The following EPHA6 variants were observed in gnomAD, a reference collection of about 807,000 sequenced individuals.
EPHA6 encodes the protein EPH receptor A6.
In EPHA6, 50 loss-of-function variants were observed where a neutral mutation model predicts 112.0. The observed-to-expected ratio is 0.45, with a 90% confidence interval of 0.36 to 0.56. The LOEUF is 0.56. Ranked by LOEUF, EPHA6 falls within the 20% of genes least tolerant of loss-of-function variation. The pLI is 0.00. For synonymous variants in EPHA6, 529 were observed against 490.7 expected (o/e 1.08, Z -1.03); for missense variants, 1,280 against 1,417.4 (o/e 0.90, Z 1.56).
In EPHA6 at chr3:97,371,699, G is replaced by A. The variant is rs113033645; in HGVS notation, c.1607-33451G>A. Among the ~76,000 whole-genome samples the A allele has an allele frequency of 3.6e-3, 544 of 152,220 alleles. 3 individuals carry two copies. Among genetic ancestry groups the A allele is most frequent in the African/African-American group, 0.011 (456 of 41,546 alleles). ...AAGTCTGGCTGCCTGTGGGCCAGGC[G>A]GAACAGAGCCATATTTCTCTCCTTT... On this transcript the variant is annotated intron_variant, in intron 5 of 17. Coordinates refer to ENST00000389672, the MANE Select transcript of EPHA6 (RefSeq NM_001080448.3).
chr3:97,158,808 G>C (rs1005118345), intron 3 of EPHA6, among the ~76,000 whole-genome samples: 1 of 152,112 alleles, frequency 6.6e-6, no homozygotes, highest in African/African-American at 2.4e-5. Context: ...TGTATGGTGG[G>C]CTGGAGGTGA....
chr3:97,314,330 T>C (rs538044997), intron 5 of EPHA6, among the ~76,000 whole-genome samples: 20 of 151,808 alleles, frequency 1.3e-4, no homozygotes, highest in African/African-American at 4.6e-4. Context: ...TGCTTAGGAT[T>C]GCTTTGGCTA....
intron 10 of EPHA6, among the ~76,000 whole-genome samples, chr3:97,525,684 C>A (rs2092608486): frequency 6.6e-6 from 1 of 152,094 alleles, no homozygotes; most frequent in African/African-American, 2.4e-5. Flanking sequence ...ATGAGATTAC[C>A]TCTGGGCTCA....
intron 4 of EPHA6, 52 bp downstream of exon 4, chr3:97,226,471 T>C: frequency 6.7e-7 from 1 of 1,485,294 alleles, no homozygotes; most frequent in Non-Finnish European, 9.1e-7. Context: ...CCTTTTGGTC[T>C]TTTCATTCTA....
chr3:97,437,627 C>T (rs958020801), intron 6 of EPHA6, among the ~76,000 whole-genome samples: 1 of 152,024 alleles, frequency 6.6e-6, no homozygotes, highest in Admixed American at 6.6e-5. Flanking sequence ...GTAAACTCTT[C>T]TAAGAATGCA....
chr3:97,223,063 G>A (rs909084444), intron 3 of EPHA6, among the ~76,000 whole-genome samples: 1 of 152,308 alleles, frequency 6.6e-6, no homozygotes, highest in Admixed American at 6.5e-5. Flanking sequence ...AAGCCTTAAA[G>A]CAGGAGAAAG....
intron 3 of EPHA6, among the ~76,000 whole-genome samples, chr3:97,118,412 A>C (rs1480197290): frequency 6.6e-6 from 1 of 151,908 alleles, no homozygotes; most frequent in Non-Finnish European, 1.5e-5. Context: ...CAGCTGTCTA[A>C]TGTGTACAGT....
chr3:97,220,660 G>A (rs2078168049), intron 3 of EPHA6, among the ~76,000 whole-genome samples: 1 of 152,164 alleles, frequency 6.6e-6, no homozygotes, highest in Middle Eastern at 3.4e-3. Context: ...GACAGCATGG[G>A]GGAAACCACC....
chr3:96,829,949 G>GCACA (rs67227502), intron 1 of EPHA6, among the ~76,000 whole-genome samples: 26,594 of 135,712 alleles, frequency 0.2, 2,728 homozygotes, highest in Non-Finnish European at 0.24. Context: ...GCGCGCGCGC[G>GCACA]CACACACACA....
chr3:97,025,372 C>G (rs1268881923), intron 3 of EPHA6, among the ~76,000 whole-genome samples: 2 of 151,936 alleles, frequency 1.3e-5, no homozygotes, highest in Non-Finnish European at 2.9e-5. Context: ...GATATTAGTA[C>G]TTTGGGTAGA....
chr3:97,139,221 C>A (rs1461170069), intron 3 of EPHA6, among the ~76,000 whole-genome samples: 1 of 152,154 alleles, frequency 6.6e-6, no homozygotes, highest in African/African-American at 2.4e-5. Flanking sequence ...CCCAGAAATT[C>A]TCTTGATTAA....
chr3:96,884,981 T>C (rs2037540001), intron 2 of EPHA6, among the ~76,000 whole-genome samples: 2 of 152,224 alleles, frequency 1.3e-5, no homozygotes, highest in Non-Finnish European at 2.9e-5. Context: ...ATTGAAATGA[T>C]CATGCGATTT....
chr3:97,545,870 A>C (rs1196940854), intron 11 of EPHA6, among the ~76,000 whole-genome samples: 1 of 152,104 alleles, frequency 6.6e-6, no homozygotes, highest in African/African-American at 2.4e-5. Context: ...CTGTTTTATC[A>C]GAGACTAGGA....
intron 5 of EPHA6, among the ~76,000 whole-genome samples, chr3:97,370,238 C>T (rs542975999): frequency 6.6e-6 from 1 of 152,232 alleles, no homozygotes; most frequent in South Asian, 2.1e-4. Context: ...AACTCATTTT[C>T]CTGAAAATTA....
chr3:97,593,915 TTA>T (rs1576003086), intron 12 of EPHA6, among the ~76,000 whole-genome samples: 1 of 152,188 alleles, frequency 6.6e-6, no homozygotes, highest in Non-Finnish European at 1.5e-5. Flanking sequence ...TTATTGGGTG[TTA>T]TATAGCCCTT....
Position 97,753,286 on chromosome 3 carries a change from C to T in EPHA6, c.*4585C>T, listed in dbSNP as rs975501270. Among the ~76,000 whole-genome samples, 1 of 152,064 alleles carries T rather than the reference C, an allele frequency of 6.6e-6. No individual in the cohort carries two copies. Among genetic ancestry groups the T allele is most frequent in the African/African-American group, 2.4e-5 (1 of 41,420 alleles). On this transcript the variant is annotated 3_prime_UTR_variant, in exon 18 of 18. Coordinates refer to ENST00000389672, the MANE Select transcript of EPHA6 (RefSeq NM_001080448.3). ...TTATTAAAATTTAGAGCTTTATTTGCTATGTTTGCTATGGTTGCCATGTCA... is the reference window on the plus strand; with the variant it reads ...TTATTAAAATTTAGAGCTTTATTTGTTATGTTTGCTATGGTTGCCATGTCA...
At chr3:97,339,890 TAA>T (rs1577026400) in intron 5 of EPHA6, among the ~76,000 whole-genome samples, 1 of 152,158 alleles carries the variant, frequency 6.6e-6, no homozygotes, top group East Asian at 1.9e-4. Context: ...CAGAAGGTCA[TAA>T]AACAGAATTG....
chr3:97,093,883 C>T (rs2047152968), intron 3 of EPHA6, among the ~76,000 whole-genome samples: 2 of 152,052 alleles, frequency 1.3e-5, no homozygotes, highest in Admixed American at 1.3e-4. Context: ...CAAATACTTC[C>T]TTTTTGTATC....
At chr3:97,121,673 A>G (rs563413098) in intron 3 of EPHA6, among the ~76,000 whole-genome samples, 5 of 152,194 alleles carry the variant, frequency 3.3e-5, no homozygotes, top group Admixed American at 3.3e-4. Flanking sequence ...TGCTTTCCCA[A>G]GAGGTTCCAT....
Sources: gnomAD v4.1 joint callset for allele counts (sites outside exome capture counted in the v4.1 genomes callset) on GRCh38, gnomAD v4.1.1 for gene constraint, MANE v1.5 for transcripts, NCBI Gene and HGNC (gene_info 2026-07-23, HGNC 2026-07-21) for gene names.